Variants in VPS51 observed in about 807,000 individuals in gnomAD.
VPS51 encodes the protein vacuolar protein sorting-associated protein 51 homolog.
In VPS51, 55 loss-of-function variants were observed where a neutral mutation model predicts 65.1. The ratio of observed to expected loss-of-function variants is 0.84; its 90% confidence interval spans 0.68 to 1.06. VPS51 has a LOEUF of 1.06. VPS51 is among the 50% of genes least tolerant of loss of function. The probability of loss-of-function intolerance (pLI) is 0.00; values close to 1 mark genes in which losing one functional copy is unlikely to be tolerated. For missense variants in VPS51, 943 were observed against 1,101.6 expected (o/e 0.86, Z 2.04); for synonymous variants, 473 against 489.5 (o/e 0.97, Z 0.44).
At chr11:65,106,364 A>G (rs547133972) in intron 2 of VPS51, among the ~76,000 whole-genome samples, 1 of 152,222 alleles carries the variant, frequency 6.6e-6, no homozygotes, top group South Asian at 2.1e-4. Context: ...GAAACTTACA[A>G]TCATGGCAGA....
chr11:65,106,134 G>A (rs538839819), intron 2 of VPS51, among the ~76,000 whole-genome samples: 3 of 152,324 alleles, frequency 2.0e-5, no homozygotes, highest in African/African-American at 4.8e-5. Flanking sequence ...TGGAATTAGG[G>A]AAATTAGTTG....
chr11:65,105,951 C>T (rs892327571), intron 2 of VPS51, among the ~76,000 whole-genome samples: 3 of 152,138 alleles, frequency 2.0e-5, no homozygotes, highest in Admixed American at 6.5e-5. Flanking sequence ...CCTCCCCGGG[C>T]GTGCCACCCT....
chr11:65,108,451 C>A lies in VPS51; in HGVS notation c.980C>A (p.Ala327Glu). ...QVAAAYQELF[A>E]AQGPAGAEKL... ...GCGGCGGCCTACCAGGAGCTGTTTG[C>A]GGCCCAGGGCCCAGCAGGTGCCGAG... is the stretch of plus-strand genomic sequence containing the variant. The change falls in exon 5 of 10, where the codon GCG becomes GAG. Residue 327 changes from alanine (A) to glutamate (E), a missense_variant. Ala to Glu is a moderately radical substitution (Grantham distance 107). Coordinates refer to ENST00000279281, the MANE Select transcript of VPS51 (RefSeq NM_013265.4). The A allele has an allele frequency of 6.2e-7, 1 of 1,610,786 alleles. No individual in the cohort carries two copies. The highest frequency in any genetic ancestry group is 1.1e-5 in the South Asian group (1 of 90,984).
chr11:65,108,782 G>C lies in VPS51; in HGVS notation c.1311G>C (p.Lys437Asn), dbSNP rs772539666. Residue 437 changes from lysine (K) to asparagine (N), a missense_variant, in exon 5 of 10, where the codon AAG (lysine) becomes AAC (asparagine). This residue lies in a region of VPS51 where 855 missense variants were observed against 953.7 expected (regional missense o/e 0.90). Transcript: ENST00000279281. Reference protein sequence around the residue: ...QALAAPRVAGKEGPGLAELLA... With the variant: ...QALAAPRVAGNEGPGLAELLA... ...TGGCAGCACCTCGCGTGGCTGGGAA[G>C]GAGGGCCCTGGCCTGGCCGAGTTGC... 2.5e-6 allele frequency: 4 copies of C among 1,612,728 alleles called. No individual in the cohort carries two copies. Among genetic ancestry groups the C allele is most frequent in the Non-Finnish European group, 2.5e-6 (3 of 1,179,958 alleles).
At chr11:65,096,518 G>GGGGCC in intron 1 of VPS51, 40 bp downstream of exon 1, 1 of 499,410 alleles carries the variant, frequency 2.0e-6, no homozygotes, top group Admixed American at 3.7e-5. Flanking sequence ...GGGGAGGGGG[G>GGGGCC]AAGGGAACCA....
At chr11:65,103,536 CTTTCTCTTATAT>C in intron 2 of VPS51, among the ~76,000 whole-genome samples, 1 of 152,238 alleles carries the variant, frequency 6.6e-6, no homozygotes, top group African/African-American at 2.4e-5. Context: ...TCAGACAGTT[CTTTCTCTTATAT>C]TTTCTCTAAT....
At chr11:65,105,166 G>A (rs1196660480) in intron 2 of VPS51, among the ~76,000 whole-genome samples, 1 of 152,070 alleles carries the variant, frequency 6.6e-6, no homozygotes, top group Admixed American at 6.5e-5. Context: ...TTGGGAGGCC[G>A]AGGCGGGTGG....
At position 65,109,922 on chromosome 11, in the gene VPS51, A is replaced by G; in HGVS notation, c.1877A>G (p.Gln626Arg). ...VVEDTTAIDV[Q>R]VGLLYEEGVR... ...GAGGATACCACCGCCATCGACGTGC[A>G]GGTGCTGCCCAGGCTGGCCGGGGTA... Residue 626 changes from glutamine to arginine, a missense_variant and splice_region_variant, in exon 7 of 10, where the codon CAG (glutamine) becomes CGG (arginine). Coordinates refer to ENST00000279281, the MANE Select transcript of VPS51 (RefSeq NM_013265.4). The G allele has an allele frequency of 2.5e-6, 4 of 1,595,698 alleles. No individual in the cohort carries two copies. Among genetic ancestry groups the G allele is most frequent in the Non-Finnish European group, 3.4e-6 (4 of 1,174,406 alleles).
chr11:65,108,677 G>A lies in VPS51; in HGVS notation c.1206G>A (p.Val402=). 1 of 1,580,718 alleles carries A rather than the reference G, an allele frequency of 6.3e-7. No individual in the cohort carries two copies. The change falls in exon 5 of 10, where the codon GTG becomes GTA. Residue 402 remains valine (V), a synonymous_variant. Transcript: ENST00000279281. The stretch of plus-strand genomic sequence containing the variant: ...CTGCCACGGAGATCGTGGAACGAGT[G>A]GCCCGCGAGCGCCTGGGCCACCACC... The part of the protein sequence containing the change: ...ADAATEIVER[V]ARERLGHHLQ...
intron 1 of VPS51, 31 bp from the exon 2 acceptor site, chr11:65,096,967 G>T (rs1947775076): frequency 1.2e-6 from 2 of 1,611,822 alleles, no homozygotes; most frequent in Admixed American, 1.7e-5. Flanking sequence ...AATGCCTCCT[G>T]ACCCGAACAC....
At chr11:65,096,690 C>G (rs2137177644) in intron 1 of VPS51, 1 of 625,120 alleles carries the variant, frequency 1.6e-6, no homozygotes, top group Admixed American at 3.0e-5. Flanking sequence ...GATGCGGCAT[C>G]TGAGGTCTTC....
Position 65,108,867 on chromosome 11 carries a change from CT to C in VPS51, c.1400del (p.Phe467SerfsTer92). On this transcript the variant is annotated frameshift_variant, in exon 5 of 10. Coordinates refer to ENST00000279281, the MANE Select transcript of VPS51 (RefSeq NM_013265.4). LOFTEE classifies it high-confidence loss of function. ...TAAGGCCTCTCTGGCAGCAGTGCACCTTTTCACCGCCAAAGAGGTGTCCTTC... is the reference window on the plus strand; with the variant it reads ...TAAGGCCTCTCTGGCAGCAGTGCACCTTTCACCGCCAAAGAGGTGTCCTTC... ...HIKASLAAVH[L>X]FTAKEVSFSN... 6.2e-7 allele frequency: 1 copy of C among 1,613,032 alleles called. No homozygotes were observed. The highest frequency in any genetic ancestry group is 8.5e-7 in the Non-Finnish European group (1 of 1,180,012).
intron 2 of VPS51, among the ~76,000 whole-genome samples, chr11:65,104,055 A>G (rs1426131068): frequency 6.6e-6 from 1 of 152,074 alleles, no homozygotes; most frequent in Admixed American, 6.6e-5. Context: ...CAGCCTTCCC[A>G]GTAGCTAGGA....
intron 1 of VPS51, 54 bp downstream of exon 1, chr11:65,096,532 C>G: frequency 7.3e-7 from 1 of 1,368,648 alleles, no homozygotes; most frequent in Non-Finnish European, 9.8e-7. Context: ...GGAACCAGGC[C>G]CCTGCTATAT....
chr11:65,097,796 G>T (rs1316502197), intron 2 of VPS51, among the ~76,000 whole-genome samples: 1 of 152,128 alleles, frequency 6.6e-6, no homozygotes, highest in East Asian at 1.9e-4. Context: ...GGTCGAGGCT[G>T]CAGTGAGCTG....
rs1479682649 is a variant in VPS51, at chr11:65,109,807, TCACAGATGCTGCGCAA to T, written c.1763_1778del (p.Ser588Ter). On this transcript the variant is annotated frameshift_variant, in exon 7 of 10. Transcript: ENST00000279281. LOFTEE classifies it high-confidence loss of function. ...CGTGAAGGTGCAGGGCCTGGTCATA[TCACAGATGCTGCGCAA>T]GAGCGTGGAGACTCGCGACTGGCTC... is the stretch of plus-strand genomic sequence containing the variant. 6.2e-7 allele frequency: 1 copy of T among 1,609,810 alleles called. No homozygotes were observed. Among genetic ancestry groups the T allele is most frequent in the Non-Finnish European group, 8.5e-7 (1 of 1,178,766 alleles).
Position 65,110,580 on chromosome 11 carries a change from C to T in VPS51, c.1977C>T (p.Arg659=). ...SVYSSSRQQG[R]YAPSYTPSAP... ...ACAGCAGCTCTCGGCAGCAGGGCCG[C>T]TACGCCCCCAGCTATACCCCCAGGT... Residue 659 remains arginine (R), a synonymous_variant, in exon 8 of 10, where the codon CGC becomes CGT. Transcript: ENST00000279281. 2 of 1,614,048 alleles carry T rather than the reference C, an allele frequency of 1.2e-6. No individual in the cohort carries two copies. The highest frequency in any genetic ancestry group is 1.6e-4 in the Middle Eastern group (1 of 6,062).
Position 65,108,534 on chromosome 11 carries a change from C to A in VPS51, c.1063C>A (p.Arg355=). 6.3e-7 allele frequency: 1 copy of A among 1,584,832 alleles called. No individual in the cohort carries two copies. The highest frequency in any genetic ancestry group is 2.3e-5 in the East Asian group (1 of 44,190). Residue 355 remains arginine, a synonymous_variant, in exon 5 of 10, where the codon CGG becomes AGG. Coordinates refer to ENST00000279281, the MANE Select transcript of VPS51 (RefSeq NM_013265.4). ...GSRYFALVER[R]LAQEQGGGDN... Reference sequence around the variant, plus strand: ...CCGCTATTTTGCGCTGGTGGAGCGGCGGCTGGCGCAGGAGCAGGGTGGTGG... The same window carrying A: ...CCGCTATTTTGCGCTGGTGGAGCGGAGGCTGGCGCAGGAGCAGGGTGGTGG...
At chr11:65,111,043 C>T in intron 9 of VPS51, 1 of 680,528 alleles carries the variant, frequency 1.5e-6, no homozygotes, top group Non-Finnish European at 2.6e-6. Context: ...GTCCTTATCC[C>T]CACAGTAGTC....
Sources: gnomAD v4.1 joint callset for allele counts (sites outside exome capture counted in the v4.1 genomes callset) on GRCh38, gnomAD v4.1.1 for gene constraint, gnomAD v4.1.1 regional missense constraint, MANE v1.5 for transcripts, NCBI Gene and HGNC (gene_info 2026-07-23, HGNC 2026-07-21) for gene names.